Variants in VWC2L observed in about 807,000 individuals in gnomAD.
VWC2L encodes the protein von Willebrand factor C domain containing 2 like.
In VWC2L, 10 loss-of-function variants were observed where a neutral mutation model predicts 21.6. That is an observed-to-expected ratio of 0.46 (90% confidence interval 0.29 to 0.78). The LOEUF is 0.78. Among genes scored for constraint, VWC2L ranks in the 30% least tolerant of loss-of-function variants. The pLI, the probability that VWC2L is intolerant of heterozygous loss-of-function variation, is 0.10. For synonymous variants in VWC2L, 96 were observed against 94.3 expected, an observed-to-expected ratio of 1.02 and a Z score of -0.10; for missense variants, 209 against 277.1, an observed-to-expected ratio of 0.75 and a Z score of 1.74.
chr2:214,465,640 C>T (rs1207010312), intron 3 of VWC2L, among the ~76,000 whole-genome samples: 1 of 152,194 alleles, frequency 6.6e-6, no homozygotes, highest in Non-Finnish European at 1.5e-5. Context: ...TCACTAGGTT[C>T]ATGCAGCCCA....
At chr2:214,464,704 G>A (rs1041103314) in intron 3 of VWC2L, among the ~76,000 whole-genome samples, 3 of 152,104 alleles carry the variant, frequency 2.0e-5, no homozygotes, top group Non-Finnish European at 2.9e-5. Context: ...ATTCATCCAG[G>A]CTTGTATCTT....
intron 1 of VWC2L, among the ~76,000 whole-genome samples, chr2:214,413,282 A>G (rs1702304397): frequency 6.6e-6 from 1 of 152,048 alleles, no homozygotes; most frequent in Non-Finnish European, 1.5e-5. Flanking sequence ...ATAATATTAC[A>G]TATATACTAG....
chr2:214,514,982 G>A (rs1043508762), intron 3 of VWC2L, among the ~76,000 whole-genome samples: 19 of 152,084 alleles, frequency 1.2e-4, no homozygotes, highest in Non-Finnish European at 2.5e-4. Flanking sequence ...TAATTCCTGT[G>A]GCAAATTTAT....
intron 3 of VWC2L, among the ~76,000 whole-genome samples, chr2:214,548,905 T>A (rs1689750262): frequency 6.6e-6 from 1 of 152,214 alleles, no homozygotes; most frequent in Non-Finnish European, 1.5e-5. Flanking sequence ...ATTGCTTCTG[T>A]AACAACTTAC....
rs1462429922 is a variant in VWC2L at position 214,466,649 on chromosome 2, A to G, written c.520+29891A>G. Reference sequence around the variant, plus strand: ...TAATATTCTGTTTTCTATGTTTTCCATTTTCTATAGCTTCTACTATTGTTT... The same window carrying G: ...TAATATTCTGTTTTCTATGTTTTCCGTTTTCTATAGCTTCTACTATTGTTT... On this transcript the variant is annotated intron_variant, in intron 3 of 3. Coordinates refer to ENST00000312504, the MANE Select transcript of VWC2L (RefSeq NM_001080500.4). Among the ~76,000 whole-genome samples, 2 of 152,072 alleles carry G rather than the reference A, an allele frequency of 1.3e-5. 1 individual carries two copies. The highest frequency in any genetic ancestry group is 2.9e-5 in the Non-Finnish European group (2 of 68,008).
intron 2 of VWC2L, among the ~76,000 whole-genome samples, chr2:214,425,734 G>A (rs1465726244): frequency 2.0e-5 from 3 of 152,086 alleles, no homozygotes; most frequent in Admixed American, 2.0e-4. Context: ...CTTTCATATA[G>A]AGAAGCGGTA....
chr2:214,520,234 T>G (rs1013226239), intron 3 of VWC2L, among the ~76,000 whole-genome samples: 6 of 152,194 alleles, frequency 3.9e-5, no homozygotes, highest in African/African-American at 1.4e-4. Context: ...TATACTTGCT[T>G]CTTTTTGAAA....
At chr2:214,412,033 T>A (rs184956975) in intron 1 of VWC2L, among the ~76,000 whole-genome samples, 3,473 of 149,490 alleles carry the variant, frequency 0.023, 61 homozygotes, top group African/African-American at 0.049. Flanking sequence ...GGCTTTTTTT[T>A]AAAAAAAAAA....
intron 3 of VWC2L, among the ~76,000 whole-genome samples, chr2:214,479,497 G>A (rs1688571536): frequency 6.6e-6 from 1 of 152,092 alleles, no homozygotes; most frequent in South Asian, 2.1e-4. Context: ...GGAATTGACT[G>A]TTCCTAAATT....
At chr2:214,469,062 T>A (rs958586713) in intron 3 of VWC2L, among the ~76,000 whole-genome samples, 26 of 148,740 alleles carry the variant, frequency 1.7e-4, no homozygotes, top group Admixed American at 1.2e-3. Flanking sequence ...TAATCATTTT[T>A]AAAACTTCTT....
intron 3 of VWC2L, among the ~76,000 whole-genome samples, chr2:214,471,857 C>T (rs922468929): frequency 3.3e-5 from 5 of 152,102 alleles, no homozygotes; most frequent in Admixed American, 3.3e-4. Flanking sequence ...AGCTCATTGC[C>T]AATGACAGGA....
In VWC2L at chr2:214,578,481, C is replaced by T. The variant is rs1690267442; in HGVS notation, c.*2661C>T. On this transcript the variant is annotated 3_prime_UTR_variant, in exon 4 of 4. Transcript: ENST00000312504. ...GGATTTTCTTTTTCTCAAAGTTTCA[C>T]TGCAGGCTGTTTCCTTTAAGATTTT... 1 of 152,230 alleles carries T rather than the reference C, an allele frequency of 6.6e-6. No individual in the cohort carries two copies. Among genetic ancestry groups the T allele is most frequent in the Non-Finnish European group, 1.5e-5 (1 of 68,060 alleles). The allele number at this position is 152,230 out of a possible 1,614,324, so 9.4% of individuals were successfully genotyped here.
At chr2:214,472,417 G>T (rs774748840) in intron 3 of VWC2L, among the ~76,000 whole-genome samples, 34 of 152,316 alleles carry the variant, frequency 2.2e-4, no homozygotes, top group Admixed American at 3.9e-4. Context: ...AAATATCATA[G>T]AAATATTTTT....
intron 3 of VWC2L, among the ~76,000 whole-genome samples, chr2:214,491,452 A>G (rs1464565173): frequency 6.6e-6 from 1 of 152,232 alleles, no homozygotes; most frequent in Non-Finnish European, 1.5e-5. Flanking sequence ...TCCCAAAGCC[A>G]AAGATTTTGT....
intron 3 of VWC2L, among the ~76,000 whole-genome samples, chr2:214,492,079 CAGA>C (rs1464788667): frequency 6.6e-6 from 1 of 152,166 alleles, no homozygotes; most frequent in Non-Finnish European, 1.5e-5. Flanking sequence ...GTGAATATAA[CAGA>C]AGGATAAAAG....
intron 3 of VWC2L, among the ~76,000 whole-genome samples, chr2:214,449,030 A>G (rs1486401503): frequency 6.6e-6 from 1 of 152,100 alleles, no homozygotes; most frequent in Non-Finnish European, 1.5e-5. Context: ...CCCACATTCC[A>G]ACTAATTGGG....
intron 3 of VWC2L, among the ~76,000 whole-genome samples, chr2:214,470,286 T>C (rs981390949): frequency 2.7e-5 from 4 of 150,924 alleles, no homozygotes; most frequent in Non-Finnish European, 4.4e-5. Context: ...AGGACTAAAA[T>C]AGGAAAAATT....
chr2:214,479,162 G>A (rs570509721), intron 3 of VWC2L, among the ~76,000 whole-genome samples: 1 of 152,116 alleles, frequency 6.6e-6, no homozygotes, highest in Non-Finnish European at 1.5e-5. Context: ...CTCCACATGG[G>A]TGAGATCATC....
intron 2 of VWC2L, among the ~76,000 whole-genome samples, chr2:214,416,481 CT>C (rs758568068): frequency 1.3e-5 from 2 of 151,868 alleles, no homozygotes; most frequent in Non-Finnish European, 2.9e-5. Context: ...ATAGATATCA[CT>C]TTTTTTAACA....
Sources: gnomAD v4.1 joint callset for allele counts (sites outside exome capture counted in the v4.1 genomes callset) on GRCh38, gnomAD v4.1.1 for gene constraint, MANE v1.5 for transcripts, NCBI Gene and HGNC (gene_info 2026-07-23, HGNC 2026-07-21) for gene names.